Variants in SYNJ2 observed in about 807,000 individuals in gnomAD.
SYNJ2 encodes the protein synaptojanin 2, also known as polyphosphatidylinositol phosphatase SYNJ2.
In SYNJ2, 116 loss-of-function variants were observed where a neutral mutation model predicts 141.3. The observed-to-expected ratio is 0.82, with a 90% CI of 0.71 to 0.96. The LOEUF (loss-of-function observed/expected upper bound fraction) is 0.96, where lower values mean the gene tolerates loss of function less well. SYNJ2 is among the 40% of genes least tolerant of loss of function. The pLI is 0.00. For synonymous variants in SYNJ2, 745 were observed against 777.7 expected (o/e 0.96, Z 0.70); for missense variants, 1,873 against 1,934.8 (o/e 0.97, Z 0.60).
At chr6:157,990,122 C>T (rs531272715) in intron 1 of SYNJ2, among the ~76,000 whole-genome samples, 1 of 152,358 alleles carries the variant, frequency 6.6e-6, no homozygotes, top group East Asian at 1.9e-4. Context: ...GAAAAGGTGA[C>T]TCGGAGCAGC....
chr6:157,981,385 C>T (rs1776995663), upstream of SYNJ2, among the ~76,000 whole-genome samples: 1 of 152,218 alleles, frequency 6.6e-6, no homozygotes, highest in African/African-American at 2.4e-5. The surrounding 1 kb of genome is among the most constrained non-coding windows in gnomAD (Gnocchi z 6.4). Context: ...CTCAGGCCTC[C>T]GCGCCGAAGT....
rs767947250 is a variant in SYNJ2, at chr6:158,081,441, A to G, written c.2796A>G (p.Gln932=). 6.2e-7 allele frequency: 1 copy of G among 1,613,862 alleles called. No homozygotes were observed. Among genetic ancestry groups the G allele is most frequent in the South Asian group, 1.1e-5 (1 of 91,040 alleles). Reference sequence around the variant, plus strand: ...GTATCATTTATTCCAGGATCAACCAAGGGCAGATGCTGGTAACTTTTGCAG... The same window carrying G: ...GTATCATTTATTCCAGGATCAACCAGGGGCAGATGCTGGTAACTTTTGCAG... The part of the protein sequence containing the change: ...YGTIVLVRIN[Q]GQMLVTFADS... Residue 932 remains glutamine, a synonymous_variant, in exon 20 of 27, where the codon CAA becomes CAG. Coordinates refer to ENST00000355585, the MANE Select transcript of SYNJ2 (RefSeq NM_003898.4).
At chr6:158,089,719 GT>G (rs1157766920) in intron 24 of SYNJ2, 119 bp from the exon 25 acceptor site, 1 of 645,436 alleles carries the variant, frequency 1.5e-6, no homozygotes, top group African/African-American at 1.8e-5. Context: ...GGAGGCTGGA[GT>G]TTGTATGGTC....
intron 1 of SYNJ2, among the ~76,000 whole-genome samples, chr6:158,014,487 G>A (rs1199270767): frequency 6.6e-6 from 1 of 152,236 alleles, no homozygotes; most frequent in Non-Finnish European, 1.5e-5. Flanking sequence ...AGTATCTGCT[G>A]GTAACTCTAT....
At chr6:158,021,455 C>T (rs993451386) in intron 2 of SYNJ2, among the ~76,000 whole-genome samples, 2 of 152,226 alleles carry the variant, frequency 1.3e-5, no homozygotes, top group Admixed American at 1.3e-4. Context: ...CAACACCAGG[C>T]GGGCTGGCCA....
intron 1 of SYNJ2, among the ~76,000 whole-genome samples, chr6:157,985,507 T>G (rs1348970484): frequency 6.6e-6 from 1 of 152,208 alleles, no homozygotes; most frequent in Non-Finnish European, 1.5e-5. Flanking sequence ...TCAGCACAGG[T>G]GGGAAGCCCC....
At chr6:158,011,634 C>T (rs1381657068) in intron 1 of SYNJ2, among the ~76,000 whole-genome samples, 2 of 152,160 alleles carry the variant, frequency 1.3e-5, no homozygotes, top group Non-Finnish European at 2.9e-5. Context: ...GTGAAGTCCA[C>T]GCCTGTCATC....
intron 2 of SYNJ2, among the ~76,000 whole-genome samples, chr6:158,023,996 CTT>C (rs1034680657): frequency 6.6e-6 from 1 of 152,182 alleles, no homozygotes; most frequent in African/African-American, 2.4e-5. Flanking sequence ...TGAACAGGAT[CTT>C]TTAGTGTTTG....
rs1782935775 is a variant in SYNJ2, at chr6:158,084,893, G to C, written c.3208+719G>C. On this transcript the variant is annotated intron_variant, in intron 22 of 26. Coordinates refer to ENST00000355585, the MANE Select transcript of SYNJ2 (RefSeq NM_003898.4). The surrounding 1 kb of genome is among the most constrained non-coding windows in gnomAD (Gnocchi z 5.0). ...TCTATGTCCTGAGTTGCTGGCGTAT[G>C]GTCACACTCATATAATATCATATTA... is the stretch of plus-strand genomic sequence containing the variant. Among the ~76,000 whole-genome samples the C allele has an allele frequency of 6.6e-6, 1 of 151,696 alleles. No homozygotes were observed. The highest frequency in any genetic ancestry group is 6.6e-5 in the Admixed American group (1 of 15,222).
intron 1 of SYNJ2, among the ~76,000 whole-genome samples, chr6:157,991,279 A>G (rs1777413850): frequency 6.6e-6 from 1 of 152,194 alleles, no homozygotes; most frequent in African/African-American, 2.4e-5. Flanking sequence ...CCCTAAGTCA[A>G]CAAACCCGGG....
At chr6:158,068,328 G>C (rs1275549089) in intron 12 of SYNJ2, among the ~76,000 whole-genome samples, 8 of 152,186 alleles carry the variant, frequency 5.3e-5, no homozygotes, top group African/African-American at 1.9e-4. Flanking sequence ...ACTGGGCTTG[G>C]TGGCTCAGGA....
rs1231398127 is a variant in SYNJ2, at chr6:158,083,483, T to C, written c.2920T>C (p.Leu974=). 6.2e-7 allele frequency: 1 copy of C among 1,614,060 alleles called. No homozygotes were observed. Among genetic ancestry groups the C allele is most frequent in the African/African-American group, 1.3e-5 (1 of 74,918 alleles). ...GAAGACCAAGGACTGGCTGAAAGGT[T>C]TGCGAGAGGAGATCATTCGGAAACG... ...RPKTKDWLKG[L]REEIIRKRDS... Residue 974 remains leucine, a synonymous_variant, in exon 21 of 27, where the codon TTG becomes CTG. Coordinates refer to ENST00000355585, the MANE Select transcript of SYNJ2 (RefSeq NM_003898.4).
intron 1 of SYNJ2, among the ~76,000 whole-genome samples, chr6:158,004,430 G>C (rs1777977162): frequency 6.6e-6 from 1 of 152,150 alleles, no homozygotes; most frequent in Non-Finnish European, 1.5e-5. Context: ...CATGCTAAGA[G>C]ACACTCGCAC....
At chr6:158,021,952 C>T (rs185560300) in intron 2 of SYNJ2, among the ~76,000 whole-genome samples, 10 of 152,254 alleles carry the variant, frequency 6.6e-5, no homozygotes, top group African/African-American at 1.4e-4. Flanking sequence ...AGGTTCCCAG[C>T]GTGGAGCTGA....
intron 1 of SYNJ2, among the ~76,000 whole-genome samples, chr6:157,983,153 A>G (rs1777075790): frequency 1.3e-5 from 2 of 152,152 alleles, no homozygotes; most frequent in South Asian, 4.1e-4. Flanking sequence ...TTCTTTTCAC[A>G]TTTGTATGCA....
Position 158,091,311 on chromosome 6 carries a change from G to C in SYNJ2, c.3565+1364G>C, listed in dbSNP as rs554984641. Among the ~76,000 whole-genome samples, 4 of 151,366 alleles carry C rather than the reference G, an allele frequency of 2.6e-5. No individual in the cohort carries two copies. In the South Asian group the frequency reaches 8.3e-4, roughly 32 times the overall value. On this transcript the variant is annotated intron_variant, in intron 25 of 26. Coordinates refer to ENST00000355585, the MANE Select transcript of SYNJ2 (RefSeq NM_003898.4). ...AGCCTGGGTGACAGAGCAAGACTCC[G>C]TCTCAAAAAAAGAAAAAAGAAAGAA...
chr6:158,081,226 C>T lies in SYNJ2; in HGVS notation c.2685C>T (p.Asn895=). 1 of 1,614,134 alleles carries T rather than the reference C, an allele frequency of 6.2e-7. No homozygotes were observed. Among genetic ancestry groups the T allele is most frequent in the South Asian group, 1.1e-5 (1 of 91,082 alleles). Residue 895 remains asparagine (N), a synonymous_variant, in exon 19 of 27, where the codon AAC becomes AAT. Transcript: ENST00000355585. The stretch of plus-strand genomic sequence containing the variant: ...CCCTGGATGCCACTGTTGTAGTAAA[C>T]CTTCAATCACCGACCTTAGAAGAGA... The part of the protein sequence containing the change: ...QGPLDATVVV[N]LQSPTLEEKN...
chr6:158,011,863 G>A (rs868056562), intron 1 of SYNJ2, among the ~76,000 whole-genome samples: 4 of 152,160 alleles, frequency 2.6e-5, no homozygotes, highest in African/African-American at 4.8e-5. Flanking sequence ...CAGGGCATAC[G>A]GGTTCTGTTT....
intron 21 of SYNJ2, among the ~76,000 whole-genome samples, 184 bp downstream of exon 21, chr6:158,083,781 C>A (rs1750037): frequency 2.0e-5 from 3 of 152,090 alleles, no homozygotes; most frequent in African/African-American, 7.2e-5. Context: ...ACCTGGGACC[C>A]GAGGCATCTA....
Sources: allele counts gnomAD v4.1 joint callset (sites outside exome capture counted in the v4.1 genomes callset), GRCh38; gene constraint gnomAD v4.1.1; non-coding constraint Gnocchi (gnomAD v3.1); transcripts MANE v1.5; gene names NCBI Gene and HGNC (gene_info 2026-07-23, HGNC 2026-07-21).